The following DLGAP1 variants were observed in gnomAD, a reference collection of about 807,000 sequenced individuals.
The protein encoded by DLGAP1 is disks large-associated protein 1.
In DLGAP1, 11 loss-of-function variants were observed where a neutral mutation model predicts 90.8. The ratio of observed to expected loss-of-function variants is 0.12; its 90% CI spans 0.08 to 0.20. DLGAP1 has a LOEUF of 0.20. Ranked by LOEUF, DLGAP1 falls within the 10% of genes least tolerant of loss-of-function variation. The probability of loss-of-function intolerance (pLI) is 1.00; values close to 1 mark genes in which losing one functional copy is unlikely to be tolerated. For missense variants in DLGAP1, 1,050 were observed against 1,333.8 expected (o/e 0.79, Z 3.31); for synonymous variants, 558 against 540.7 (o/e 1.03, Z -0.44).
Position 4,454,860 on chromosome 18 carries a change from C to A in DLGAP1, c.-267+146G>T, listed in dbSNP as rs1260901181. On this transcript the variant is annotated intron_variant, in intron 1 of 12. Transcript: ENST00000315677. The surrounding 1 kb of genome is among the most constrained non-coding windows in gnomAD (Gnocchi z 4.7). ...AGGGTAAGGAGCGCGGACTCTCGAGCCAGCGGCCGGGGGAGCCCAGCCCGC... is the reference window on the plus strand; with the variant it reads ...AGGGTAAGGAGCGCGGACTCTCGAGACAGCGGCCGGGGGAGCCCAGCCCGC... 1 of 151,744 alleles carries A rather than the reference C, an allele frequency of 6.6e-6. No homozygotes were observed. The highest frequency in any genetic ancestry group is 2.1e-4 in the South Asian group (1 of 4,818). 9.4% of individuals were successfully genotyped at this position (151,744 alleles called of 1,614,324 possible).
chr18:3,544,286 G>A (rs909914291), intron 9 of DLGAP1, among the ~76,000 whole-genome samples: 6 of 152,288 alleles, frequency 3.9e-5, no homozygotes, highest in Non-Finnish European at 4.4e-5. Flanking sequence ...GTACTTGGGA[G>A]GCTGAGGCGC....
intron 1 of DLGAP1, among the ~76,000 whole-genome samples, chr18:4,185,234 T>C (rs907182066): frequency 6.6e-6 from 1 of 151,314 alleles, no homozygotes; most frequent in Non-Finnish European, 1.5e-5. Context: ...GTTTCTATTT[T>C]AAACAAGATT....
At chr18:4,168,628 T>A (rs1287664660) in intron 1 of DLGAP1, among the ~76,000 whole-genome samples, 1 of 152,212 alleles carries the variant, frequency 6.6e-6, no homozygotes, top group African/African-American at 2.4e-5. Flanking sequence ...TCTAGGGACC[T>A]CATAAAAGTG....
intron 1 of DLGAP1, among the ~76,000 whole-genome samples, chr18:4,178,329 G>A (rs1318319891): frequency 1.3e-5 from 2 of 150,998 alleles, no homozygotes; most frequent in Non-Finnish European, 2.9e-5. Flanking sequence ...TCCTGCCTCG[G>A]CCTCCCTAGA....
At chr18:4,177,158 C>T (rs1222504342) in intron 1 of DLGAP1, among the ~76,000 whole-genome samples, 2 of 152,136 alleles carry the variant, frequency 1.3e-5, no homozygotes, top group Admixed American at 1.3e-4. Flanking sequence ...GCAGGCTACA[C>T]CCTAATGTGG....
intron 3 of DLGAP1, among the ~76,000 whole-genome samples, chr18:3,910,388 T>C (rs1249913071): frequency 6.6e-6 from 1 of 152,052 alleles, no homozygotes; most frequent in Non-Finnish European, 1.5e-5. Flanking sequence ...GAGAGAAATT[T>C]GATGATTTAA....
At chr18:4,157,129 A>C (rs576902349) in intron 1 of DLGAP1, among the ~76,000 whole-genome samples, 1 of 152,302 alleles carries the variant, frequency 6.6e-6, no homozygotes, top group South Asian at 2.1e-4. Context: ...TGGACCACCA[A>C]GATCAGAGGT....
chr18:3,642,728 C>T (rs957426559), intron 7 of DLGAP1, among the ~76,000 whole-genome samples: 3 of 152,188 alleles, frequency 2.0e-5, no homozygotes, highest in African/African-American at 7.2e-5. Context: ...TTATAAAGTG[C>T]TCAACAAATG....
At position 4,087,630 on chromosome 18, in the gene DLGAP1, T is replaced by C. The variant is rs550351862; in HGVS notation, c.-159+63550A>G. Among the ~76,000 whole-genome samples the C allele has an allele frequency of 3.3e-5, 5 of 152,332 alleles. No individual in the cohort carries two copies. In the South Asian group the frequency reaches 1.0e-3, roughly 32 times the overall value. On this transcript the variant is annotated intron_variant, in intron 2 of 12. Transcript: ENST00000315677. Reference sequence around the variant, plus strand: ...TGATTTCCCACTCCACAACTCTATATTTCTGCATGTGTGTCTTTAATTCCT... The same window carrying C: ...TGATTTCCCACTCCACAACTCTATACTTCTGCATGTGTGTCTTTAATTCCT...
Position 3,802,569 on chromosome 18 carries a change from G to GA in DLGAP1, c.1172+11489dup, listed in dbSNP as rs577658711. ...CCAAATCGAATCCTTTCTCTTTCAT[G>GA]AAGTCATCCCTTCCTATTTTCAATT... On this transcript the variant is annotated intron_variant, in intron 5 of 12. Transcript: ENST00000315677. Among the ~76,000 whole-genome samples, 38 of 152,262 alleles carry GA rather than the reference G, an allele frequency of 2.5e-4. No individual in the cohort carries two copies. The South Asian group carries it at 7.3e-3, about 29-fold the overall frequency.
At chr18:4,062,303 G>A (rs1568375696) in intron 2 of DLGAP1, among the ~76,000 whole-genome samples, 1 of 152,088 alleles carries the variant, frequency 6.6e-6, no homozygotes, top group Non-Finnish European at 1.5e-5. Flanking sequence ...AACTGGAATG[G>A]CATGCTTTCC....
intron 7 of DLGAP1, among the ~76,000 whole-genome samples, chr18:3,694,081 CCT>C (rs1318382434): frequency 1.3e-5 from 2 of 151,176 alleles, no homozygotes; most frequent in Non-Finnish European, 2.9e-5. Context: ...CGTTCCCCTC[CCT>C]GTGTCCATGT....
chr18:3,672,557 A>G (rs1363116542), intron 7 of DLGAP1, among the ~76,000 whole-genome samples: 1 of 123,890 alleles, frequency 8.1e-6, no homozygotes, highest in East Asian at 2.9e-4. Flanking sequence ...AGCCTGGGCA[A>G]CAAGAGCAAA....
chr18:3,574,845 G>C (rs1294053802), intron 8 of DLGAP1, among the ~76,000 whole-genome samples: 4 of 149,670 alleles, frequency 2.7e-5, no homozygotes, highest in Admixed American at 6.7e-5. Context: ...GACAGAGTCT[G>C]GCTCTGTCGC....
intron 3 of DLGAP1, among the ~76,000 whole-genome samples, chr18:3,951,535 A>T (rs2072984484): frequency 6.6e-6 from 1 of 152,164 alleles, no homozygotes; most frequent in Non-Finnish European, 1.5e-5. Flanking sequence ...TATCCACTAA[A>T]TTTTTTTGTA....
chr18:3,590,978 A>G (rs1268670955), intron 7 of DLGAP1, among the ~76,000 whole-genome samples: 9 of 152,220 alleles, frequency 5.9e-5, no homozygotes, highest in African/African-American at 2.2e-4. Flanking sequence ...AAACAAAACA[A>G]AAATTATGGG....
intron 2 of DLGAP1, among the ~76,000 whole-genome samples, chr18:4,116,957 G>A (rs1251216744): frequency 6.6e-6 from 1 of 152,166 alleles, no homozygotes; most frequent in African/African-American, 2.4e-5. Context: ...ACAGATTGAA[G>A]TCCTAACCTC....
intron 8 of DLGAP1, among the ~76,000 whole-genome samples, chr18:3,576,788 A>G (rs1366330711): frequency 2.1e-5 from 3 of 145,874 alleles, no homozygotes; most frequent in Non-Finnish European, 4.5e-5. Context: ...CTGATCTCGA[A>G]CTCCCAACCT....
chr18:4,145,385 C>T (rs1451029571), intron 2 of DLGAP1, among the ~76,000 whole-genome samples: 3 of 152,118 alleles, frequency 2.0e-5, no homozygotes, highest in African/African-American at 4.8e-5. Context: ...TCTCAGAACA[C>T]ATTAACTTGA....
Sources: allele counts gnomAD v4.1 joint callset (sites outside exome capture counted in the v4.1 genomes callset), GRCh38; gene constraint gnomAD v4.1.1; non-coding constraint Gnocchi (gnomAD v3.1); transcripts MANE v1.5; gene names NCBI Gene and HGNC (gene_info 2026-07-23, HGNC 2026-07-21).